Variants in FAM199X observed in about 807,000 individuals in gnomAD.
FAM199X encodes family with sequence similarity 199, X-linked.
A neutral mutation model predicts 22.9 loss-of-function variants in FAM199X; 4 were observed. The observed-to-expected ratio is 0.17, with a 90% CI of 0.09 to 0.40. The LOEUF is 0.40. Among genes scored for constraint, FAM199X ranks in the 10% least tolerant of loss-of-function variants. The probability of loss-of-function intolerance (pLI) is 1.00; values close to 1 mark genes in which losing one functional copy is unlikely to be tolerated. For missense variants in FAM199X, 183 were observed against 306.8 expected (o/e 0.60, Z 3.01); for synonymous variants, 101 against 112.3 (o/e 0.90, Z 0.64).
chrX:104,181,536 A>T (rs370805448), intron 2 of FAM199X, among the ~76,000 whole-genome samples: 1 of 111,829 alleles, frequency 8.9e-6, no homozygotes, highest in South Asian at 3.7e-4. Flanking sequence ...GAAAAAATAG[A>T]CTCTGCTTAG....
At chrX:104,161,868 A>AAATTAT (rs1168292563), upstream of FAM199X, among the ~76,000 whole-genome samples, 3 of 111,225 alleles carry the variant, frequency 2.7e-5, no homozygotes, top group Non-Finnish European at 5.7e-5. Context: ...AAGAAGAAGA[A>AAATTAT]AATTATATGA....
At chrX:104,164,539 G>A (rs1418920599), upstream of FAM199X, among the ~76,000 whole-genome samples, 1 of 110,896 alleles carries the variant, frequency 9.0e-6, no homozygotes, top group Non-Finnish European at 1.9e-5. Flanking sequence ...ATTAGACTCC[G>A]CTTTAAAAAA....
intron 2 of FAM199X, among the ~76,000 whole-genome samples, chrX:104,177,294 T>A (rs1022566804): frequency 8.9e-5 from 10 of 112,259 alleles, no homozygotes; most frequent in Non-Finnish European, 1.7e-4. Flanking sequence ...ATAACAGTAC[T>A]TCATTCCTTT....
In FAM199X at chrX:104,192,382, G is replaced by A. The variant is rs1480080946; in HGVS notation, c.*2604G>A. Reference sequence around the variant, plus strand: ...AATAAAAAGGCAAGACTTACTTGCTGTAGTATTGGTTCTCATCTGTAGAGA... The same window carrying A: ...AATAAAAAGGCAAGACTTACTTGCTATAGTATTGGTTCTCATCTGTAGAGA... On this transcript the variant is annotated 3_prime_UTR_variant, in exon 6 of 6. Transcript: ENST00000493442. The A allele has an allele frequency of 1.8e-5, 2 of 111,724 alleles. No individual in the cohort carries two copies. Among genetic ancestry groups the A allele is most frequent in the Admixed American group, 9.5e-5 (1 of 10,512 alleles). 9.2% of individuals were successfully genotyped at this position (111,724 alleles called of 1,213,427 possible). A position where few individuals can be genotyped will look rare whatever the true frequency, so the allele number is the denominator to read the frequency against.
At position 104,195,306 on chromosome X, in the gene FAM199X, C is replaced by T. The variant is rs1922032005; in HGVS notation, c.*5528C>T. The T allele has an allele frequency of 9.0e-6, 1 of 111,375 alleles. No individual in the cohort carries two copies. Among genetic ancestry groups the T allele is most frequent in the Non-Finnish European group, 1.9e-5 (1 of 53,017 alleles). The allele number at this position is 111,375 out of a possible 1,213,427, so 9.2% of individuals were successfully genotyped here. The stretch of plus-strand genomic sequence containing the variant: ...TCATGCTCTATCCCAGAATATTTAC[C>T]AACAGAGGAGAACTGCTCCCTTTTC... On this transcript the variant is annotated 3_prime_UTR_variant, in exon 6 of 6. Transcript: ENST00000493442.
intron 4 of FAM199X, among the ~76,000 whole-genome samples, chrX:104,187,605 A>G (rs1277876893): frequency 1.8e-5 from 2 of 112,167 alleles, no homozygotes; most frequent in African/African-American, 6.5e-5. Context: ...CTTGCATTTG[A>G]AGACAGGTAT....
rs1348114230 is a variant in FAM199X at position 104,194,917 on chromosome X, A to C, written c.*5139A>C. 1 of 110,369 alleles carries C rather than the reference A, an allele frequency of 9.1e-6. No homozygotes were observed. Among genetic ancestry groups the C allele is most frequent in the Non-Finnish European group, 1.9e-5 (1 of 52,759 alleles). The allele number at this position is 110,369 out of a possible 1,213,427, so 9.1% of individuals were successfully genotyped here. ...TTCCTGTATTACTGCTAAATATATTACTATATTAATGCACTTTTGTATATA... is the reference window on the plus strand; with the variant it reads ...TTCCTGTATTACTGCTAAATATATTCCTATATTAATGCACTTTTGTATATA... On this transcript the variant is annotated 3_prime_UTR_variant, in exon 6 of 6. Transcript: ENST00000493442.
chrX:104,194,382 T>G lies in FAM199X; in HGVS notation c.*4604T>G, dbSNP rs1296884157. On this transcript the variant is annotated 3_prime_UTR_variant, in exon 6 of 6. Coordinates refer to ENST00000493442, the MANE Select transcript of FAM199X (RefSeq NM_207318.4). ...TGACTATGTAAAGGTAGTTGTAGAC[T>G]ATATGTATAAATAACAAGTTAACAC... 1.1e-4 allele frequency: 12 copies of G among 112,227 alleles called. No individual in the cohort carries two copies. Among genetic ancestry groups the G allele is most frequent in the African/African-American group, 3.9e-4 (12 of 30,969 alleles). 9.2% of individuals were successfully genotyped at this position (112,227 alleles called of 1,213,427 possible).
chrX:104,161,882 C>G (rs2147885667), upstream of FAM199X, among the ~76,000 whole-genome samples: 1 of 110,979 alleles, frequency 9.0e-6, no homozygotes, highest in African/African-American at 3.3e-5. Context: ...TATATGAGGA[C>G]AAATATAAAA....
intron 4 of FAM199X, among the ~76,000 whole-genome samples, chrX:104,186,926 AG>A: frequency 9.0e-6 from 1 of 111,565 alleles, no homozygotes; most frequent in Admixed American, 9.5e-5. Context: ...CTCAGTTTAC[AG>A]GAGACTAATT....
chrX:104,187,098 CT>C (rs781858012), intron 4 of FAM199X, among the ~76,000 whole-genome samples: 4,425 of 98,648 alleles, frequency 0.045, 228 homozygotes, highest in African/African-American at 0.15. Context: ...GTATCATCTT[CT>C]TTTTTTTTTT....
upstream of FAM199X, among the ~76,000 whole-genome samples, chrX:104,162,520 A>G (rs1234169418): frequency 8.9e-6 from 1 of 112,128 alleles, no homozygotes; most frequent in Admixed American, 9.5e-5. Flanking sequence ...TTCATCTAAA[A>G]TGTCCATCTT....
the FAM199X span, among the ~76,000 whole-genome samples, chrX:104,160,811 T>C: frequency 9.0e-6 from 1 of 111,538 alleles, no homozygotes; most frequent in Non-Finnish European, 1.9e-5. Flanking sequence ...GAAATATATA[T>C]TTGCAAGGAT....
rs782757888 is a variant in FAM199X at position 104,170,683 on chromosome X, G to T, written c.197+3701G>T. ...GGGAGAAATTGAAAATATAAAAGAA[G>T]GTGGGATGAGAGATAGACATGATGA... On this transcript the variant is annotated intron_variant, in intron 1 of 5. Coordinates refer to ENST00000493442, the MANE Select transcript of FAM199X (RefSeq NM_207318.4). 4.5e-5 allele frequency among the ~76,000 whole-genome samples: 5 copies of T among 111,708 alleles called. No homozygotes were observed. In the Admixed American group the frequency reaches 4.8e-4, roughly 11 times the overall value.
chrX:104,187,962 A>G, intron 4 of FAM199X, 78 bp from the exon 5 acceptor site: 2 of 1,112,606 alleles, frequency 1.8e-6, no homozygotes, highest in South Asian at 2.0e-5. Flanking sequence ...ATTAAGTACA[A>G]TATTATTTTT....
At chrX:104,189,477 C>A in intron 5 of FAM199X, 131 bp from the exon 6 acceptor site, 1 of 652,250 alleles carries the variant, frequency 1.5e-6, no homozygotes, top group Non-Finnish European at 2.4e-6. Context: ...CTTATTGGAA[C>A]AAGGATCATA....
At chrX:104,166,398 G>A (rs1261632845), upstream of FAM199X, among the ~76,000 whole-genome samples, 7 of 112,040 alleles carry the variant, frequency 6.2e-5, no homozygotes, top group Admixed American at 9.3e-5. Flanking sequence ...AGGGGGCACG[G>A]GGAGTGGCTT....
In FAM199X at chrX:104,186,975, A is replaced by T. The variant is rs190606129; in HGVS notation, c.729+354A>T. Among the ~76,000 whole-genome samples, 121 of 112,150 alleles carry T rather than the reference A, an allele frequency of 1.1e-3. 1 individual carries two copies. In the Middle Eastern group the frequency reaches 0.014, roughly 13 times the overall value. ...ACTAATTAATGAGAGCTATTCTTTG[A>T]TAAACAGCTGAGGGATTTGAGTAGT... On this transcript the variant is annotated intron_variant, in intron 4 of 5. Coordinates refer to ENST00000493442, the MANE Select transcript of FAM199X (RefSeq NM_207318.4).
At chrX:104,158,844 G>A in the FAM199X span, among the ~76,000 whole-genome samples, 7 of 110,082 alleles carry the variant, frequency 6.4e-5, no homozygotes, top group African/African-American at 2.4e-4. Context: ...CCCTACCTCT[G>A]TACCTCTTTT....
Sources: allele counts gnomAD v4.1 joint callset (sites outside exome capture counted in the v4.1 genomes callset), GRCh38; gene constraint gnomAD v4.1.1; transcripts MANE v1.5; gene names NCBI Gene and HGNC (gene_info 2026-07-23, HGNC 2026-07-21).